ZBTB7C: variants seen among roughly 807,000 people sequenced by gnomAD.
The protein encoded by ZBTB7C is zinc finger and BTB domain containing 7C, also known as zinc finger and BTB domain-containing protein 7C.
In ZBTB7C, 8 loss-of-function variants were observed where a neutral mutation model predicts 25.7. The ratio of observed to expected loss-of-function variants is 0.31; its 90% CI spans 0.18 to 0.56. The LOEUF (loss-of-function observed/expected upper bound fraction) is 0.56. Among genes scored for constraint, ZBTB7C ranks in the 20% least tolerant of loss-of-function variants. ZBTB7C has a pLI of 0.91. For synonymous variants in ZBTB7C, 394 were observed against 369.0 expected (o/e 1.07, Z -0.78); for missense variants, 824 against 855.2 (o/e 0.96, Z 0.46).
intron 2 of ZBTB7C, among the ~76,000 whole-genome samples, chr18:48,289,438 G>A (rs547106282): frequency 6.6e-6 from 1 of 152,012 alleles, no homozygotes; most frequent in East Asian, 1.9e-4. Flanking sequence ...TATATGTACT[G>A]ACATGGAAAG....
chr18:48,099,759 T>C (rs1362337120), intron 3 of ZBTB7C, among the ~76,000 whole-genome samples: 1 of 152,190 alleles, frequency 6.6e-6, no homozygotes, highest in Non-Finnish European at 1.5e-5. Context: ...TTATCACCCA[T>C]CCATCCCCAG....
chr18:48,314,398 T>A (rs1023178118), intron 2 of ZBTB7C, among the ~76,000 whole-genome samples: 1 of 152,132 alleles, frequency 6.6e-6, no homozygotes, highest in African/African-American at 2.4e-5. Flanking sequence ...TCTCAAGTTA[T>A]AAAGGGATGA....
In ZBTB7C at chr18:48,338,328, C is replaced by A. The variant is rs1272486834; in HGVS notation, c.-233G>T. On this transcript the variant is annotated 5_prime_UTR_variant, in exon 2 of 5. Coordinates refer to ENST00000590800, the MANE Select transcript of ZBTB7C (RefSeq NM_001318841.2). ...CTGGGTGGACTCCACGCCATCACTT[C>A]TTGCTCTTGTGGCTGACCCACTCCT... 6.6e-6 allele frequency: 1 copy of A among 152,288 alleles called. No homozygotes were observed. Among genetic ancestry groups the A allele is most frequent in the Admixed American group, 6.5e-5 (1 of 15,284 alleles). 9.4% of individuals were successfully genotyped at this position (152,288 alleles called of 1,614,324 possible). A position where few individuals can be genotyped will look rare whatever the true frequency, so the allele number is the denominator to read the frequency against.
At chr18:48,356,160 C>G (rs542646205) in intron 1 of ZBTB7C, among the ~76,000 whole-genome samples, 1 of 152,262 alleles carries the variant, frequency 6.6e-6, no homozygotes, top group South Asian at 2.1e-4. Flanking sequence ...TGGGTTTATT[C>G]AACAGGGTTT....
chr18:48,092,690 A>G (rs1056879308), intron 3 of ZBTB7C, among the ~76,000 whole-genome samples: 1 of 152,206 alleles, frequency 6.6e-6, no homozygotes, highest in Non-Finnish European at 1.5e-5. Flanking sequence ...TAGAGGGGGA[A>G]CCCTAACCAC....
chr18:48,134,994 C>G (rs575355012), intron 3 of ZBTB7C, among the ~76,000 whole-genome samples: 1 of 152,160 alleles, frequency 6.6e-6, no homozygotes, highest in Non-Finnish European at 1.5e-5. Flanking sequence ...CTAACTTCCC[C>G]GCTCTTTCCT....
intron 2 of ZBTB7C, among the ~76,000 whole-genome samples, chr18:48,255,170 A>G: frequency 6.6e-6 from 1 of 152,216 alleles, no homozygotes; most frequent in East Asian, 1.9e-4. Flanking sequence ...GACATCCAAT[A>G]CAAAATTACC....
At chr18:48,236,345 C>A (rs531130730) in intron 2 of ZBTB7C, among the ~76,000 whole-genome samples, 1 of 152,262 alleles carries the variant, frequency 6.6e-6, no homozygotes, top group South Asian at 2.1e-4. Flanking sequence ...TAAATGGATA[C>A]CTATTCTCAG....
At chr18:48,147,169 C>T (rs2144865340) in intron 3 of ZBTB7C, among the ~76,000 whole-genome samples, 1 of 152,262 alleles carries the variant, frequency 6.6e-6, no homozygotes, top group South Asian at 2.1e-4. Flanking sequence ...CCTCCGCCTC[C>T]TGGGTTCAAG....
chr18:48,285,973 G>A (rs1242077450), intron 2 of ZBTB7C, among the ~76,000 whole-genome samples: 1 of 152,088 alleles, frequency 6.6e-6, no homozygotes, highest in African/African-American at 2.4e-5. Flanking sequence ...TAATGCCATT[G>A]GCTTCCCAAA....
At chr18:48,048,421 G>C (rs1485990807) in intron 3 of ZBTB7C, among the ~76,000 whole-genome samples, 1 of 152,222 alleles carries the variant, frequency 6.6e-6, no homozygotes, top group African/African-American at 2.4e-5. Context: ...TGCTGACACT[G>C]TGCCTGGAGT....
chr18:48,043,434 A>T (rs2036340691), intron 3 of ZBTB7C, among the ~76,000 whole-genome samples: 1 of 152,234 alleles, frequency 6.6e-6, no homozygotes, highest in Non-Finnish European at 1.5e-5. Context: ...TATGTGCAAC[A>T]GCCTTGATGA....
intron 1 of ZBTB7C, among the ~76,000 whole-genome samples, chr18:48,356,102 G>A (rs561236175): frequency 2.0e-5 from 3 of 152,140 alleles, no homozygotes; most frequent in South Asian, 2.1e-4. Context: ...ACTCCGATGC[G>A]CATGAGGCTT....
intron 3 of ZBTB7C, among the ~76,000 whole-genome samples, chr18:48,106,345 G>GAA (rs56291079): frequency 5.7e-5 from 8 of 139,726 alleles, no homozygotes; most frequent in East Asian, 4.2e-4. Flanking sequence ...AAAGTGGCAA[G>GAA]AAAAAAAAAA....
chr18:48,137,833 G>C (rs964355347), intron 3 of ZBTB7C, among the ~76,000 whole-genome samples: 40 of 152,298 alleles, frequency 2.6e-4, no homozygotes, highest in African/African-American at 8.9e-4. Context: ...ACTGGGGTGG[G>C]CCAGCCACCA....
At chr18:48,315,857 A>G (rs542207472) in intron 2 of ZBTB7C, among the ~76,000 whole-genome samples, 76 of 152,324 alleles carry the variant, frequency 5.0e-4, no homozygotes, top group African/African-American at 1.7e-3. Context: ...CTCAACTGGA[A>G]AGATGTATAA....
chr18:48,371,798 C>T (rs2047394921), intron 1 of ZBTB7C, among the ~76,000 whole-genome samples: 1 of 152,226 alleles, frequency 6.6e-6, no homozygotes, highest in African/African-American at 2.4e-5. Context: ...ATTAGGAACA[C>T]TGCAGAGATT....
At chr18:48,235,375 A>G (rs957333040) in intron 2 of ZBTB7C, among the ~76,000 whole-genome samples, 12 of 152,218 alleles carry the variant, frequency 7.9e-5, no homozygotes, top group Non-Finnish European at 1.8e-4. Context: ...CTTGAAGTCC[A>G]AAATTAATAC....
chr18:48,388,594 A>C (rs1354050053), intron 1 of ZBTB7C, among the ~76,000 whole-genome samples: 1 of 152,184 alleles, frequency 6.6e-6, no homozygotes, highest in Non-Finnish European at 1.5e-5. Flanking sequence ...TATTTTATTT[A>C]AACTGACAGC....
Sources: allele counts gnomAD v4.1 joint callset (sites outside exome capture counted in the v4.1 genomes callset), GRCh38; gene constraint gnomAD v4.1.1; transcripts MANE v1.5; gene names NCBI Gene and HGNC (gene_info 2026-07-23, HGNC 2026-07-21).